The following DPYSL2 variants were observed in gnomAD, a reference collection of about 807,000 sequenced individuals.
The protein encoded by DPYSL2 is dihydropyrimidinase-related protein 2.
A neutral mutation model predicts 69.9 loss-of-function variants in DPYSL2; 13 were observed. That is an observed-to-expected ratio of 0.19 (90% CI 0.12 to 0.30). DPYSL2 has a LOEUF of 0.30. Ranked by LOEUF, DPYSL2 falls within the 10% of genes least tolerant of loss-of-function variation. DPYSL2 has a pLI of 1.00. For synonymous variants in DPYSL2, 326 were observed against 359.1 expected (o/e 0.91, Z 1.04); for missense variants, 587 against 918.9 (o/e 0.64, Z 4.67).
chr8:26,538,567 G>A (rs565393430), intron 1 of DPYSL2, among the ~76,000 whole-genome samples: 26 of 152,280 alleles, frequency 1.7e-4, no homozygotes, highest in African/African-American at 5.5e-4. Flanking sequence ...TGTTGAGCCC[G>A]TGTAATGAAG....
intron 1 of DPYSL2, among the ~76,000 whole-genome samples, chr8:26,572,690 G>A (rs1801259209): frequency 6.6e-6 from 1 of 152,062 alleles, no homozygotes; most frequent in African/African-American, 2.4e-5. Flanking sequence ...AGTAGAGATG[G>A]GGTTTCTCCA....
rs1803105704 is a variant in DPYSL2 at position 26,643,875 on chromosome 8, A to G, written c.1284-75A>G. 6.5e-7 allele frequency: 1 copy of G among 1,531,760 alleles called. No individual in the cohort carries two copies. The highest frequency in any genetic ancestry group is 1.4e-5 in the African/African-American group (1 of 73,604). The allele number at this position is 1,531,760 out of a possible 1,614,324, so 94.9% of individuals were successfully genotyped here. On this transcript the variant is annotated intron_variant, in intron 9 of 13. Transcript: ENST00000521913. This position sits in a 1 kb window ranked among gnomAD's most constrained non-coding sequence, Gnocchi z 6.5. ...GGGTTGGTGTGATGCCATTCATGAG[A>G]CAGCCCACCAAATAGGTGTAGGCGC...
At chr8:26,537,315 C>A (rs190793929) in intron 1 of DPYSL2, among the ~76,000 whole-genome samples, 2 of 152,114 alleles carry the variant, frequency 1.3e-5, no homozygotes, top group Non-Finnish European at 2.9e-5. Flanking sequence ...AGGCTGCCTT[C>A]GCTTGCTGCA....
intron 1 of DPYSL2, among the ~76,000 whole-genome samples, chr8:26,524,801 CAAAAAAAAAAAAAAAAA>C (rs753822230): frequency 7.3e-5 from 3 of 41,086 alleles, no homozygotes; most frequent in African/African-American, 1.0e-4. Flanking sequence ...GACTCTGTCT[CAAAAAAAAAAAAAAAAA>C]AAAAAAAAAA....
chr8:26,549,211 A>AATAATAATC (rs1800832972), intron 1 of DPYSL2, among the ~76,000 whole-genome samples: 1 of 148,868 alleles, frequency 6.7e-6, no homozygotes, highest in Admixed American at 6.7e-5. Context: ...TAATAATAAT[A>AATAATAATC]ATAATAATAA....
chr8:26,623,839 A>G lies in DPYSL2; in HGVS notation c.629-304A>G, dbSNP rs1009848574. The G allele has an allele frequency of 6.7e-5, 21 of 313,624 alleles. No homozygotes were observed. In the East Asian group the frequency reaches 1.5e-3, roughly 23 times the overall value. The allele number at this position is 313,624 out of a possible 1,614,324, so 19.4% of individuals were successfully genotyped here. On this transcript the variant is annotated intron_variant, in intron 3 of 13. Transcript: ENST00000521913. ...CGGCCATTTGACACTGCCATTGTCC[A>G]TAAGGACTCGTTGTCCGTGAAATGC...
Position 26,589,515 on chromosome 8 carries a change from A to T in DPYSL2, c.628+5532A>T, listed in dbSNP as rs1479636202. ...CTTGATATCCTGCTTCCTCTGAGTG[A>T]TGCCAAGAGACTTAGTGTCACAAGG... On this transcript the variant is annotated intron_variant, in intron 3 of 13. Coordinates refer to ENST00000521913, the MANE Select transcript of DPYSL2 (RefSeq NM_001197293.3). Among the ~76,000 whole-genome samples, 6 of 152,356 alleles carry T rather than the reference A, an allele frequency of 3.9e-5. No individual in the cohort carries two copies. In the Middle Eastern group the frequency reaches 0.014, roughly 345 times the overall value.
At chr8:26,596,604 C>T (rs567450841) in intron 3 of DPYSL2, among the ~76,000 whole-genome samples, 6 of 152,324 alleles carry the variant, frequency 3.9e-5, no homozygotes, top group South Asian at 4.2e-4. Flanking sequence ...TATCATTTAT[C>T]GGGAATCTGT....
At chr8:26,578,388 G>T in intron 1 of DPYSL2, 1 of 1,582,152 alleles carries the variant, frequency 6.3e-7, no homozygotes, top group South Asian at 1.2e-5. Flanking sequence ...AAAGGAGAGG[G>T]ACCGAACTTT....
Position 26,585,108 on chromosome 8 carries a change from A to G in DPYSL2, c.628+1125A>G, listed in dbSNP as rs964360898. Among the ~76,000 whole-genome samples, 3 of 152,304 alleles carry G rather than the reference A, an allele frequency of 2.0e-5. No homozygotes were observed. The highest frequency in any genetic ancestry group is 3.9e-4 in the East Asian group (2 of 5,180). ...AGTGGCCCGTCAGATACATATTTTA[A>G]AAAACAGATTGCATCCAAGAGTGAC... On this transcript the variant is annotated intron_variant, in intron 3 of 13. Transcript: ENST00000521913. The surrounding 1 kb of genome is among the most constrained non-coding windows in gnomAD (Gnocchi z 4.0).
At position 26,621,453 on chromosome 8, in the gene DPYSL2, G is replaced by C. The variant is rs1285219628; in HGVS notation, c.629-2690G>C. 6.6e-6 allele frequency among the ~76,000 whole-genome samples: 1 copy of C among 152,186 alleles called. No homozygotes were observed. Among genetic ancestry groups the C allele is most frequent in the African/African-American group, 2.4e-5 (1 of 41,452 alleles). ...CGGTTCCCAGGAGAGCCCCTCCTTT[G>C]CTGCTTGACCTGATTGCAAGTGGAA... On this transcript the variant is annotated intron_variant, in intron 3 of 13. Coordinates refer to ENST00000521913, the MANE Select transcript of DPYSL2 (RefSeq NM_001197293.3). This position sits in a 1 kb window ranked among gnomAD's most constrained non-coding sequence, Gnocchi z 4.9.
chr8:26,515,179 C>G (rs1808257845), intron 1 of DPYSL2, among the ~76,000 whole-genome samples: 1 of 152,202 alleles, frequency 6.6e-6, no homozygotes, highest in Admixed American at 6.5e-5. Context: ...CTTCTGCGCT[C>G]ACGTCCCGAG....
chr8:26,651,252 G>A (rs1377132652), intron 11 of DPYSL2, among the ~76,000 whole-genome samples: 1 of 152,172 alleles, frequency 6.6e-6, no homozygotes, highest in Non-Finnish European at 1.5e-5. Context: ...TTACATGCCT[G>A]ATGTGAGCTG....
chr8:26,576,311 G>A (rs1243529212), intron 1 of DPYSL2, among the ~76,000 whole-genome samples: 1 of 152,148 alleles, frequency 6.6e-6, no homozygotes, highest in Non-Finnish European at 1.5e-5. Context: ...GAATTATTCC[G>A]TATTTATCTA....
At chr8:26,634,734 T>TG in intron 7 of DPYSL2, 46 bp from the exon 8 acceptor site, 1 of 1,607,088 alleles carries the variant, frequency 6.2e-7, no homozygotes, top group Admixed American at 1.7e-5. Flanking sequence ...TAGCGGCTCG[T>TG]GGGGTGGGCT....
intron 1 of DPYSL2, chr8:26,578,507 A>G: frequency 3.5e-6 from 5 of 1,427,292 alleles, no homozygotes; most frequent in Non-Finnish European, 4.6e-6. Flanking sequence ...ATTAAACAGG[A>G]GCGCGAGTGC....
At position 26,609,898 on chromosome 8, in the gene DPYSL2, C is replaced by T. The variant is rs2129848153; in HGVS notation, c.629-14245C>T. On this transcript the variant is annotated intron_variant, in intron 3 of 13. Coordinates refer to ENST00000521913, the MANE Select transcript of DPYSL2 (RefSeq NM_001197293.3). This position sits in a 1 kb window ranked among gnomAD's most constrained non-coding sequence, Gnocchi z 6.5. ...GTCTGTTTCCTTAAAACAGCCTTTCCTCAAACCCAGGAAGTGAAGTAGGGA... is the reference window on the plus strand; with the variant it reads ...GTCTGTTTCCTTAAAACAGCCTTTCTTCAAACCCAGGAAGTGAAGTAGGGA... Among the ~76,000 whole-genome samples, 1 of 152,316 alleles carries T rather than the reference C, an allele frequency of 6.6e-6. No individual in the cohort carries two copies. Among genetic ancestry groups the T allele is most frequent in the East Asian group, 1.9e-4 (1 of 5,184 alleles).
Position 26,587,521 on chromosome 8 carries a change from C to T in DPYSL2, c.628+3538C>T, listed in dbSNP as rs752984722. ...GACTCCTTTCTGTCTGAAATGGCGC[C>T]GCATGTAGAGGAAAACACAGCCAAA... On this transcript the variant is annotated intron_variant, in intron 3 of 13. Transcript: ENST00000521913. This position sits in a 1 kb window ranked among gnomAD's most constrained non-coding sequence, Gnocchi z 4.2. 2.0e-5 allele frequency among the ~76,000 whole-genome samples: 3 copies of T among 152,072 alleles called. No homozygotes were observed. The highest frequency in any genetic ancestry group is 4.4e-5 in the Non-Finnish European group (3 of 68,028).
At chr8:26,556,212 C>T (rs370688303) in intron 1 of DPYSL2, among the ~76,000 whole-genome samples, 1 of 3,090 alleles carries the variant, frequency 3.2e-4, no homozygotes, top group Non-Finnish European at 1.1e-3. Context: ...TATATATATA[C>T]TATATATAGT....
Sources: allele counts gnomAD v4.1 joint callset (sites outside exome capture counted in the v4.1 genomes callset), GRCh38; gene constraint gnomAD v4.1.1; non-coding constraint Gnocchi (gnomAD v3.1); transcripts MANE v1.5; gene names NCBI Gene and HGNC (gene_info 2026-07-23, HGNC 2026-07-21).